Variants in FARS2 observed in about 807,000 individuals in gnomAD.
The protein encoded by FARS2 is phenylalanine--tRNA ligase, mitochondrial.
FARS2 carries 40 observed loss-of-function variants against 46.4 expected under a neutral mutation model. The observed-to-expected ratio is 0.86, with a 90% CI of 0.67 to 1.12. FARS2 has a LOEUF of 1.12. FARS2 is among the 50% of genes most tolerant of loss of function. The pLI, the probability that FARS2 is intolerant of heterozygous loss-of-function variation, is 0.00. For missense variants in FARS2, 513 were observed against 567.9 expected, an observed-to-expected ratio of 0.90 and a Z score of 0.98; for synonymous variants, 234 against 214.9, an observed-to-expected ratio of 1.09 and a Z score of -0.78.
chr6:5,568,350 A>T (rs1011226031), intron 5 of FARS2, among the ~76,000 whole-genome samples: 5 of 152,194 alleles, frequency 3.3e-5, no homozygotes, highest in Non-Finnish European at 5.9e-5. Context: ...GATTTATCCC[A>T]AACACAAGAG....
chr6:5,407,207 G>A (rs931524000), intron 3 of FARS2, among the ~76,000 whole-genome samples: 1 of 151,892 alleles, frequency 6.6e-6, no homozygotes, highest in Non-Finnish European at 1.5e-5. Context: ...GAGAAATAGA[G>A]TATAGCACAA....
At chr6:5,620,682 C>A (rs1023843297) in intron 6 of FARS2, among the ~76,000 whole-genome samples, 2 of 152,220 alleles carry the variant, frequency 1.3e-5, no homozygotes, top group African/African-American at 4.8e-5. Flanking sequence ...GGCCCCGAGT[C>A]CACATGACCT....
chr6:5,716,516 A>G (rs1481341107), intron 6 of FARS2, among the ~76,000 whole-genome samples: 1 of 152,188 alleles, frequency 6.6e-6, no homozygotes, highest in East Asian at 1.9e-4. Flanking sequence ...TCTCCCCGCC[A>G]ACAAGCAAGC....
At chr6:5,466,925 G>A (rs1765547016) in intron 4 of FARS2, 1 of 985,396 alleles carries the variant, frequency 1.0e-6, no homozygotes, top group Non-Finnish European at 1.2e-6. Context: ...ATGCTGCAGT[G>A]ACTTCTCTCT....
In FARS2 at chr6:5,526,042, A is replaced by C. The variant is rs531513236; in HGVS notation, c.905-19138A>C. On this transcript the variant is annotated intron_variant, in intron 4 of 6. Transcript: ENST00000274680. ...GAAACTACTCAATTAGTATCTATCC[A>C]ATAAGATTCAATGATAATATTATCC... is the stretch of plus-strand genomic sequence containing the variant. 9.8e-5 allele frequency among the ~76,000 whole-genome samples: 15 copies of C among 152,308 alleles called. No individual in the cohort carries two copies. In the East Asian group the frequency reaches 1.7e-3, roughly 18 times the overall value.
chr6:5,713,491 G>C (rs1019364265), intron 6 of FARS2, among the ~76,000 whole-genome samples: 1 of 152,228 alleles, frequency 6.6e-6, no homozygotes, highest in Admixed American at 6.5e-5. Context: ...AGGAATAGAG[G>C]TCTGGAGACG....
chr6:5,467,206 T>A (rs1561640759), intron 4 of FARS2: 1 of 467,978 alleles, frequency 2.1e-6, no homozygotes, highest in African/African-American at 2.1e-5. Flanking sequence ...ATTTATTTTT[T>A]ATTTTTATTT....
chr6:5,431,028 G>T lies in FARS2; in HGVS notation c.773-13G>T. On this transcript the variant is annotated splice_polypyrimidine_tract_variant and intron_variant, in intron 3 of 6. Coordinates refer to ENST00000274680, the MANE Select transcript of FARS2 (RefSeq NM_006567.5). Reference sequence around the variant, plus strand: ...TTTAACACTACTTATTTGTTTCTTTGGCAACTTTGCAGAGCTGGAGATAAG... The same window carrying T: ...TTTAACACTACTTATTTGTTTCTTTTGCAACTTTGCAGAGCTGGAGATAAG... 1 of 1,611,674 alleles carries T rather than the reference G, an allele frequency of 6.2e-7. No individual in the cohort carries two copies. Among genetic ancestry groups the T allele is most frequent in the Non-Finnish European group, 8.5e-7 (1 of 1,178,550 alleles).
intron 1 of FARS2, among the ~76,000 whole-genome samples, chr6:5,329,296 A>T (rs754230687): frequency 6.6e-6 from 1 of 152,150 alleles, no homozygotes; most frequent in African/African-American, 2.4e-5. Context: ...GTTTCTCCCA[A>T]TGTCAGAGTG....
chr6:5,257,331 CT>C (rs558783204), upstream of FARS2, among the ~76,000 whole-genome samples: 194 of 152,300 alleles, frequency 1.3e-3, 1 homozygote, highest in African/African-American at 4.4e-3. Flanking sequence ...TGCTTCATGC[CT>C]TTGATCCAAC....
intron 6 of FARS2, among the ~76,000 whole-genome samples, chr6:5,758,481 A>G (rs542495324): frequency 6.6e-6 from 1 of 152,258 alleles, no homozygotes; most frequent in Non-Finnish European, 1.5e-5. Context: ...TCACTGTAAA[A>G]CAGGGCTACC....
chr6:5,691,987 C>T (rs891434748), intron 6 of FARS2, among the ~76,000 whole-genome samples: 4 of 152,202 alleles, frequency 2.6e-5, no homozygotes, highest in Admixed American at 2.6e-4. Context: ...CCCTCCGAGC[C>T]AGGCGCGGGA....
intron 6 of FARS2, among the ~76,000 whole-genome samples, chr6:5,690,023 C>G (rs1178962812): frequency 6.6e-6 from 1 of 152,142 alleles, no homozygotes; most frequent in East Asian, 1.9e-4. Flanking sequence ...ATTGCAACCT[C>G]TGCCTTTTTT....
chr6:5,303,560 G>A (rs921307572), intron 1 of FARS2, among the ~76,000 whole-genome samples: 1 of 151,972 alleles, frequency 6.6e-6, no homozygotes, highest in Admixed American at 6.6e-5. Context: ...CCCTCCCCAC[G>A]ACTCTGTTTC....
At chr6:5,740,773 G>A (rs1561832262) in intron 6 of FARS2, among the ~76,000 whole-genome samples, 1 of 152,156 alleles carries the variant, frequency 6.6e-6, no homozygotes, top group Non-Finnish European at 1.5e-5. Flanking sequence ...TCTGTAACCT[G>A]GGGGGAATAG....
chr6:5,675,745 A>G (rs1399794204), intron 6 of FARS2, among the ~76,000 whole-genome samples: 1 of 152,250 alleles, frequency 6.6e-6, no homozygotes, highest in Non-Finnish European at 1.5e-5. Context: ...TAAAAATTTC[A>G]GAGGTGAATA....
At chr6:5,280,022 G>C (rs528651269) in intron 1 of FARS2, among the ~76,000 whole-genome samples, 1 of 152,192 alleles carries the variant, frequency 6.6e-6, no homozygotes, top group African/African-American at 2.4e-5. Context: ...AAAACACCTA[G>C]TTTCCCCTTA....
chr6:5,441,445 A>G (rs1763839129), intron 4 of FARS2, among the ~76,000 whole-genome samples: 1 of 152,096 alleles, frequency 6.6e-6, no homozygotes, highest in South Asian at 2.1e-4. Context: ...TTAGAGTTTT[A>G]CTATTTATAT....
At chr6:5,415,393 C>A (rs2127739238) in intron 3 of FARS2, among the ~76,000 whole-genome samples, 1 of 142,762 alleles carries the variant, frequency 7.0e-6, no homozygotes, top group South Asian at 2.2e-4. Context: ...CAGCTCACTG[C>A]AACCTCCACC....
Sources: gnomAD v4.1 joint callset for allele counts (sites outside exome capture counted in the v4.1 genomes callset) on GRCh38, gnomAD v4.1.1 for gene constraint, MANE v1.5 for transcripts, NCBI Gene and HGNC (gene_info 2026-07-23, HGNC 2026-07-21) for gene names.